PBX1: variants seen among roughly 807,000 people sequenced by gnomAD.
The protein encoded by PBX1 is pre-B-cell leukemia transcription factor 1.
PBX1 carries 6 observed loss-of-function variants against 53.4 expected under a neutral mutation model. That is an observed-to-expected ratio of 0.11 (90% CI 0.06 to 0.22). The LOEUF (loss-of-function observed/expected upper bound fraction) is 0.22. Among genes scored for constraint, PBX1 ranks in the 10% least tolerant of loss-of-function variants. The probability of loss-of-function intolerance (pLI) is 1.00; values close to 1 mark genes in which losing one functional copy is unlikely to be tolerated. For synonymous variants in PBX1, 204 were observed against 212.3 expected (o/e 0.96, Z 0.34); for missense variants, 251 against 551.4 (o/e 0.46, Z 5.46).
In PBX1 at chr1:164,848,827, A is replaced by G. The variant is rs1671693550; in HGVS notation, c.*2151A>G. ...TTGGCACTACAGTCATAAATAGAAA[A>G]CACTGTGTGTGCTCAGGGGAGCAGG... On this transcript the variant is annotated 3_prime_UTR_variant, in exon 9 of 9. Coordinates refer to ENST00000420696, the MANE Select transcript of PBX1 (RefSeq NM_002585.4). 9.4e-7 allele frequency: 1 copy of G among 1,064,082 alleles called. No individual in the cohort carries two copies. The highest frequency in any genetic ancestry group is 1.1e-6 in the Non-Finnish European group (1 of 878,634). 65.9% of individuals were successfully genotyped at this position (1,064,082 alleles called of 1,614,324 possible).
intron 2 of PBX1, among the ~76,000 whole-genome samples, chr1:164,787,316 C>A (rs1480316895): frequency 6.6e-6 from 1 of 152,150 alleles, no homozygotes; most frequent in Non-Finnish European, 1.5e-5. Flanking sequence ...CAGCTTTGGG[C>A]CCCTGGACTG....
intron 2 of PBX1, among the ~76,000 whole-genome samples, chr1:164,588,897 C>CT (rs1487986531): frequency 2.0e-5 from 3 of 152,246 alleles, no homozygotes; most frequent in South Asian, 2.1e-4. Context: ...TCCTAACCCT[C>CT]TTTTTTCCTT....
At chr1:164,588,414 A>C (rs1655101493) in intron 2 of PBX1, among the ~76,000 whole-genome samples, 1 of 148,136 alleles carries the variant, frequency 6.8e-6, no homozygotes, top group South Asian at 2.2e-4. Context: ...AGTATATGTA[A>C]GTGCACACAC....
At chr1:164,668,368 C>T (rs1660925156) in intron 2 of PBX1, among the ~76,000 whole-genome samples, 1 of 152,162 alleles carries the variant, frequency 6.6e-6, no homozygotes, top group African/African-American at 2.4e-5. Flanking sequence ...TCAGACTTTA[C>T]TCCTGTAGCA....
At chr1:164,824,294 G>A (rs1670313900) in intron 8 of PBX1, among the ~76,000 whole-genome samples, 1 of 152,182 alleles carries the variant, frequency 6.6e-6, no homozygotes, top group South Asian at 2.1e-4. Context: ...GGTGGTAGGA[G>A]TATTATAAAG....
At chr1:164,702,828 G>C (rs1280326394) in intron 2 of PBX1, among the ~76,000 whole-genome samples, 1 of 152,076 alleles carries the variant, frequency 6.6e-6, no homozygotes, top group Non-Finnish European at 1.5e-5. Flanking sequence ...ACATTGTGTA[G>C]GTCTGTGTGT....
intron 2 of PBX1, among the ~76,000 whole-genome samples, chr1:164,667,726 T>C (rs1486261439): frequency 6.6e-6 from 1 of 152,176 alleles, no homozygotes; most frequent in Non-Finnish European, 1.5e-5. Context: ...GCATTTCAAA[T>C]ACTTGTGCAG....
At chr1:164,568,198 G>A (rs1653570867) in intron 2 of PBX1, among the ~76,000 whole-genome samples, 1 of 152,298 alleles carries the variant, frequency 6.6e-6, no homozygotes, top group East Asian at 1.9e-4. Context: ...TGTAAAGCAT[G>A]ACCCTGACTT....
intron 3 of PBX1, among the ~76,000 whole-genome samples, chr1:164,799,183 T>C (rs938172884): frequency 6.6e-6 from 1 of 152,124 alleles, no homozygotes; most frequent in Non-Finnish European, 1.5e-5. Flanking sequence ...AAACTTTTTT[T>C]TCTCTTAAAA....
At chr1:164,784,182 T>C (rs1232512511) in intron 2 of PBX1, among the ~76,000 whole-genome samples, 1 of 152,132 alleles carries the variant, frequency 6.6e-6, no homozygotes, top group African/African-American at 2.4e-5. Context: ...TCCTCATACC[T>C]CTGGGTATGT....
intron 2 of PBX1, chr1:164,626,170 A>T: frequency 1.1e-6 from 1 of 894,338 alleles, no homozygotes; most frequent in Non-Finnish European, 1.4e-6. Flanking sequence ...TCCCCCTTTT[A>T]TCTTTAAGGA....
At chr1:164,828,045 T>G (rs1670555130) in intron 8 of PBX1, among the ~76,000 whole-genome samples, 1 of 152,236 alleles carries the variant, frequency 6.6e-6, no homozygotes, top group Admixed American at 6.5e-5. Flanking sequence ...TGAAATTAAA[T>G]TATATGACAG....
intron 2 of PBX1, among the ~76,000 whole-genome samples, chr1:164,728,092 G>C (rs914518820): frequency 6.6e-6 from 1 of 152,136 alleles, no homozygotes; most frequent in Admixed American, 6.5e-5. Context: ...TGGGAGGCCA[G>C]AGTGGGAGAA....
chr1:164,684,373 T>C (rs955579097), intron 2 of PBX1: 1 of 152,216 alleles, frequency 6.6e-6, no homozygotes, highest in Non-Finnish European at 1.5e-5. Context: ...ACCTCTCTTA[T>C]GCATTATGAA....
intron 2 of PBX1, among the ~76,000 whole-genome samples, chr1:164,858,527 G>A (rs1331261053): frequency 1.3e-5 from 2 of 151,926 alleles, no homozygotes. Flanking sequence ...ACTCTCATAA[G>A]AGCCATCTTG....
In PBX1 at chr1:164,848,181, G is replaced by C; in HGVS notation, c.*1505G>C. 1 of 1,049,492 alleles carries C rather than the reference G, an allele frequency of 9.5e-7. No homozygotes were observed. Among genetic ancestry groups the C allele is most frequent in the Non-Finnish European group, 1.2e-6 (1 of 869,402 alleles). 65.0% of individuals were successfully genotyped at this position (1,049,492 alleles called of 1,614,324 possible). On this transcript the variant is annotated 3_prime_UTR_variant, in exon 9 of 9. Transcript: ENST00000420696. ...ATCATCACAGTGATTTTTATTCCCT[G>C]GGAACACAGCGTGTACTAAAAATAC...
chr1:164,650,653 A>G (rs1389619314), intron 2 of PBX1, among the ~76,000 whole-genome samples: 3 of 152,126 alleles, frequency 2.0e-5, no homozygotes, highest in African/African-American at 7.2e-5. Flanking sequence ...CAGCAGGACA[A>G]CCTGTCTTTG....
At chr1:164,697,570 C>T (rs1662866285) in intron 2 of PBX1, among the ~76,000 whole-genome samples, 1 of 152,164 alleles carries the variant, frequency 6.6e-6, no homozygotes, top group Non-Finnish European at 1.5e-5. Flanking sequence ...GCATTCAATT[C>T]CTTTATACAC....
At chr1:164,561,488 G>A (rs987318090) in intron 1 of PBX1, among the ~76,000 whole-genome samples, 1 of 152,134 alleles carries the variant, frequency 6.6e-6, no homozygotes, top group African/African-American at 2.4e-5. Context: ...ATTATCTGAA[G>A]AAAAGCTAAT....
Sources: allele counts gnomAD v4.1 joint callset (sites outside exome capture counted in the v4.1 genomes callset), GRCh38; gene constraint gnomAD v4.1.1; transcripts MANE v1.5; gene names NCBI Gene and HGNC (gene_info 2026-07-23, HGNC 2026-07-21).